The following PHF14 variants were observed in gnomAD, a reference collection of about 807,000 sequenced individuals.
PHF14 encodes PHD finger protein 14.
Under a neutral mutation model 117.9 loss-of-function variants are expected in PHF14, and 55 were observed. The ratio of observed to expected loss-of-function variants is 0.47; its 90% CI spans 0.38 to 0.58. The LOEUF is 0.58. PHF14 is among the 20% of genes least tolerant of loss of function. The pLI, the probability that PHF14 is intolerant of heterozygous loss-of-function variation, is 0.00. For missense variants in PHF14, 978 were observed against 1,122.2 expected, an observed-to-expected ratio of 0.87 and a Z score of 1.84; for synonymous variants, 409 against 368.6, an observed-to-expected ratio of 1.11 and a Z score of -1.26.
chr7:10,998,080 T>C (rs1782726407), intron 4 of PHF14, among the ~76,000 whole-genome samples: 1 of 151,618 alleles, frequency 6.6e-6, no homozygotes, highest in Admixed American at 6.6e-5. Flanking sequence ...ATAAGGAAAA[T>C]AGTGAGGAAA....
chr7:11,112,853 T>G (rs1377781342), intron 17 of PHF14, among the ~76,000 whole-genome samples: 4 of 152,158 alleles, frequency 2.6e-5, no homozygotes, highest in African/African-American at 9.6e-5. Context: ...ATCAAGCATT[T>G]TAACCTAAAA....
At chr7:11,055,950 T>C (rs1451938034) in intron 14 of PHF14, among the ~76,000 whole-genome samples, 2 of 152,202 alleles carry the variant, frequency 1.3e-5, no homozygotes, top group Admixed American at 6.5e-5. Flanking sequence ...ATTCTTATAC[T>C]AACTGTTTGA....
rs754491013 is a variant in PHF14, at chr7:11,042,689, G to A, written c.2187G>A (p.Gly729=). 6.3e-7 allele frequency: 1 copy of A among 1,575,542 alleles called. No homozygotes were observed. The highest frequency in any genetic ancestry group is 1.2e-5 in the South Asian group (1 of 84,844). ...STLPAVLYSC[G]ICKKNHDQHL... ...TTGCTGCCTTTATTAAAAGTTGTGG[G>A]ATTTGTAAGAAGAACCATGATCAGC... Residue 729 remains glycine (G), a synonymous_variant, in exon 13 of 18, where the codon GGG becomes GGA. Coordinates refer to ENST00000634607, the MANE Select transcript of PHF14 (RefSeq NM_001007157.2).
At chr7:11,021,211 G>T (rs541291442) in intron 5 of PHF14, among the ~76,000 whole-genome samples, 1 of 152,256 alleles carries the variant, frequency 6.6e-6, no homozygotes, top group South Asian at 2.1e-4. Context: ...GTGGTTTTAT[G>T]TGATGCTTAT....
chr7:11,128,552 C>G (rs1788000140), intron 17 of PHF14, among the ~76,000 whole-genome samples: 1 of 151,772 alleles, frequency 6.6e-6, no homozygotes, highest in Non-Finnish European at 1.5e-5. Flanking sequence ...TTCAAATTTC[C>G]AGGTCAGAAA....
intron 2 of PHF14, among the ~76,000 whole-genome samples, chr7:10,977,240 A>C (rs186646107): frequency 4.4e-4 from 67 of 152,196 alleles, no homozygotes; most frequent in Admixed American, 1.2e-3. Context: ...GGAAGTAGAG[A>C]AATGGTAGCT....
At chr7:11,159,492 A>G (rs1300540376) in intron 17 of PHF14, among the ~76,000 whole-genome samples, 9 of 152,138 alleles carry the variant, frequency 5.9e-5, no homozygotes, top group African/African-American at 2.2e-4. Context: ...AGAAAAATAT[A>G]TATTTAATAC....
chr7:10,988,836 T>A (rs2128309689), intron 3 of PHF14, among the ~76,000 whole-genome samples: 1 of 152,322 alleles, frequency 6.6e-6, no homozygotes, highest in Admixed American at 6.5e-5. Context: ...TAGATATTAT[T>A]TTTATCGCCA....
chr7:11,028,901 A>G (rs1250705129), intron 7 of PHF14, 83 bp downstream of exon 7: 1 of 1,162,492 alleles, frequency 8.6e-7, no homozygotes, highest in East Asian at 2.6e-5. Flanking sequence ...TGTAAATAAT[A>G]AAAGAAATTT....
chr7:11,050,252 C>T (rs1784812206), intron 13 of PHF14, among the ~76,000 whole-genome samples: 1 of 151,988 alleles, frequency 6.6e-6, no homozygotes, highest in South Asian at 2.1e-4. Context: ...AAAATACTTG[C>T]TATGAGAATT....
chr7:11,072,133 A>G (rs1044429893), intron 16 of PHF14, among the ~76,000 whole-genome samples: 19 of 152,188 alleles, frequency 1.2e-4, no homozygotes, highest in African/African-American at 4.6e-4. Context: ...GCTGTAAGGG[A>G]AGCATAGCGG....
intron 13 of PHF14, among the ~76,000 whole-genome samples, chr7:11,045,682 A>G (rs1227358767): frequency 6.6e-6 from 1 of 152,190 alleles, no homozygotes; most frequent in African/African-American, 2.4e-5. Flanking sequence ...AGGTTAAGAC[A>G]TGTGACATCA....
chr7:11,102,422 C>A, intron 16 of PHF14: 4 of 1,563,514 alleles, frequency 2.6e-6, no homozygotes, highest in Non-Finnish European at 3.5e-6. Context: ...TTTCATAAGA[C>A]ATAGTGCAGA....
chr7:11,059,615 A>T (rs1227301852), intron 14 of PHF14, among the ~76,000 whole-genome samples: 2 of 152,042 alleles, frequency 1.3e-5, no homozygotes, highest in Non-Finnish European at 2.9e-5. Context: ...CTCTAGTAAA[A>T]ATGAAAAGAT....
chr7:11,118,536 G>C (rs959125504), intron 17 of PHF14, among the ~76,000 whole-genome samples: 2 of 151,676 alleles, frequency 1.3e-5, no homozygotes, highest in African/African-American at 2.4e-5. Context: ...AAAAAAATTA[G>C]AGTGTTTTAT....
At chr7:11,010,403 A>T (rs1783306497) in intron 4 of PHF14, among the ~76,000 whole-genome samples, 1 of 151,986 alleles carries the variant, frequency 6.6e-6, no homozygotes, top group African/African-American at 2.4e-5. Context: ...ATGAGTTTTG[A>T]TTCCTTTGCT....
intron 6 of PHF14, 150 bp from the exon 7 acceptor site, chr7:11,028,531 C>G: frequency 1.5e-6 from 1 of 668,978 alleles, no homozygotes; most frequent in Non-Finnish European, 2.5e-6. Context: ...AAACTCTTGG[C>G]TCGCCTATGA....
intron 16 of PHF14, among the ~76,000 whole-genome samples, chr7:11,084,496 T>TG: frequency 2.5e-5 from 1 of 39,236 alleles, no homozygotes; most frequent in African/African-American, 1.1e-4. Context: ...TACTCTTGTG[T>TG]TTTTTTTTTT....
At chr7:11,158,336 T>C (rs1386480442) in intron 17 of PHF14, among the ~76,000 whole-genome samples, 2 of 152,132 alleles carry the variant, frequency 1.3e-5, no homozygotes, top group Non-Finnish European at 2.9e-5. Context: ...TTGCTTAATA[T>C]TTTCTCATGA....
Sources: allele counts gnomAD v4.1 joint callset (sites outside exome capture counted in the v4.1 genomes callset), GRCh38; gene constraint gnomAD v4.1.1; transcripts MANE v1.5; gene names NCBI Gene and HGNC (gene_info 2026-07-23, HGNC 2026-07-21).